The following ZMAT5 variants were observed in gnomAD, a reference collection of about 807,000 sequenced individuals.
ZMAT5 encodes the protein zinc finger matrin-type protein 5.
Under a neutral mutation model 28.0 loss-of-function variants are expected in ZMAT5, and 23 were observed. That is an observed-to-expected ratio of 0.82 (90% confidence interval 0.59 to 1.16). ZMAT5 has a LOEUF of 1.16. Ranked by LOEUF, ZMAT5 falls within the 50% of genes most tolerant of loss-of-function variation. The pLI, the probability that ZMAT5 is intolerant of heterozygous loss-of-function variation, is 0.00. For missense variants in ZMAT5, 173 were observed against 212.7 expected (o/e 0.81, Z 1.16); for synonymous variants, 76 against 84.1 (o/e 0.90, Z 0.52).
At chr22:29,749,452 A>G (rs528670091) in intron 1 of ZMAT5, among the ~76,000 whole-genome samples, 1 of 152,022 alleles carries the variant, frequency 6.6e-6, no homozygotes, top group African/African-American at 2.4e-5. Flanking sequence ...TGCCAGGCAC[A>G]TGGCCACCTC....
rs561342078 is a variant in ZMAT5, at chr22:29,740,168, G to A, written c.271+482C>T. ...CTAGAGGAGTGAATTTCCCAAAGGC[G>A]AGATGTCAGTTTCCATGGAAGCTGA... On this transcript the variant is annotated intron_variant, in intron 4 of 5. Transcript: ENST00000344318. 7.2e-5 allele frequency among the ~76,000 whole-genome samples: 11 copies of A among 152,320 alleles called. No individual in the cohort carries two copies. The East Asian group carries it at 1.5e-3, about 21-fold the overall frequency.
intron 5 of ZMAT5, among the ~76,000 whole-genome samples, chr22:29,733,596 C>T (rs73390974): frequency 0.046 from 6,992 of 152,294 alleles, 563 homozygotes; most frequent in African/African-American, 0.16. Flanking sequence ...CTCCACCAGC[C>T]GCAGAGAAGG....
intron 5 of ZMAT5, among the ~76,000 whole-genome samples, chr22:29,734,553 G>A (rs1445746292): frequency 6.6e-6 from 1 of 152,226 alleles, no homozygotes; most frequent in East Asian, 1.9e-4. Flanking sequence ...ACCTGTCCTG[G>A]GCACCCCCAA....
chr22:29,731,432 C>T (rs1407232667), intron 5 of ZMAT5, 78 bp from the exon 6 acceptor site: 2 of 1,498,212 alleles, frequency 1.3e-6, no homozygotes, highest in African/African-American at 1.5e-5. Context: ...CCACCTGCCT[C>T]ACCACCCTGG....
At chr22:29,749,097 A>G (rs1351165557) in intron 1 of ZMAT5, among the ~76,000 whole-genome samples, 2 of 147,296 alleles carry the variant, frequency 1.4e-5, no homozygotes, top group African/African-American at 5.1e-5. Context: ...TATTTTTTTG[A>G]GACAGAGTCT....
intron 2 of ZMAT5, among the ~76,000 whole-genome samples, chr22:29,744,472 T>C (rs2067991379): frequency 6.6e-6 from 1 of 151,536 alleles, no homozygotes; most frequent in South Asian, 2.1e-4. Flanking sequence ...GTCTATCTGT[T>C]AGCGCCGGGC....
chr22:29,740,747 G>T lies in ZMAT5; in HGVS notation c.191-17C>A. Reference sequence around the variant, plus strand: ...CGCACTGGCCTGCAGCAGGAAGACAGAGTTACTCGCTGCTCGGGAGGGGCT... The same window carrying T: ...CGCACTGGCCTGCAGCAGGAAGACATAGTTACTCGCTGCTCGGGAGGGGCT... On this transcript the variant is annotated splice_polypyrimidine_tract_variant and intron_variant, in intron 3 of 5. Transcript: ENST00000344318. 1 of 1,582,462 alleles carries T rather than the reference G, an allele frequency of 6.3e-7. No homozygotes were observed. The highest frequency in any genetic ancestry group is 1.2e-5 in the South Asian group (1 of 86,396).
chr22:29,733,663 C>G (rs1358978750), intron 5 of ZMAT5, among the ~76,000 whole-genome samples: 1 of 152,214 alleles, frequency 6.6e-6, no homozygotes. Context: ...CAAGCCTGGG[C>G]TCCCTGCAGG....
At chr22:29,738,925 C>T (rs992065012) in intron 4 of ZMAT5, among the ~76,000 whole-genome samples, 4 of 151,910 alleles carry the variant, frequency 2.6e-5, no homozygotes, top group Admixed American at 6.6e-5. Context: ...GCAGGAGAAT[C>T]GCTTGAACCT....
At chr22:29,739,249 G>C (rs1179632700) in intron 4 of ZMAT5, among the ~76,000 whole-genome samples, 1 of 152,204 alleles carries the variant, frequency 6.6e-6, no homozygotes, top group East Asian at 1.9e-4. Context: ...ATACAAGCTG[G>C]GTGTGAGCGT....
At chr22:29,754,119 G>A (rs1040058699) in intron 1 of ZMAT5, among the ~76,000 whole-genome samples, 1 of 152,106 alleles carries the variant, frequency 6.6e-6, no homozygotes, top group African/African-American at 2.4e-5. Context: ...GGAGGAAGGG[G>A]ACAGCTGGAG....
At chr22:29,733,176 C>G (rs1311616926) in intron 5 of ZMAT5, among the ~76,000 whole-genome samples, 1 of 152,248 alleles carries the variant, frequency 6.6e-6, no homozygotes, top group Non-Finnish European at 1.5e-5. Context: ...CTTCCCACTT[C>G]AGCTCCCTCT....
At chr22:29,766,589 T>C (rs1408594595) in intron 1 of ZMAT5, among the ~76,000 whole-genome samples, 1 of 152,192 alleles carries the variant, frequency 6.6e-6, no homozygotes, top group Non-Finnish European at 1.5e-5. Context: ...CCCAAGCAGG[T>C]TCCAAGTCTC....
chr22:29,748,278 C>A (rs748928163), intron 2 of ZMAT5, 140 bp downstream of exon 2: 1 of 1,230,308 alleles, frequency 8.1e-7, no homozygotes, highest in South Asian at 1.2e-5. Context: ...CCTCTGAGGG[C>A]CCAGTGGCTC....
In ZMAT5 at chr22:29,738,354, C is replaced by T. The variant is rs141136441; in HGVS notation, c.359G>A (p.Arg120Gln). ...LEDWLEKRAK[R>Q]LSSAPSSRAE... ...CCTGCTACTTGGGGCTGAGCTCAGC[C>T]GCTTGGCTCTCTTCTCCAGCCAGTC... is the stretch of plus-strand genomic sequence containing the variant. The change falls in exon 5 of 6, where the codon CGG (arginine) becomes CAG (glutamine). Residue 120 changes from arginine to glutamine, a missense_variant. Arg to Gln is a conservative substitution (Grantham distance 43). Transcript: ENST00000344318. The T allele has an allele frequency of 1.9e-5, 30 of 1,609,586 alleles. No individual in the cohort carries two copies. Among genetic ancestry groups the T allele is most frequent in the African/African-American group, 1.5e-4 (11 of 74,650 alleles).
At chr22:29,757,137 G>C (rs1284716161) in intron 1 of ZMAT5, among the ~76,000 whole-genome samples, 1 of 149,722 alleles carries the variant, frequency 6.7e-6, no homozygotes, top group East Asian at 2.0e-4. Flanking sequence ...GATCACTTGA[G>C]CCCAGGAGTT....
chr22:29,731,378 G>T (rs2232903), intron 5 of ZMAT5, 24 bp from the exon 6 acceptor site: 118,673 of 1,539,526 alleles, frequency 0.077, 5,160 homozygotes, highest in South Asian at 0.13. Context: ...GAGAAGCGGG[G>T]AGAATAAGAG....
chr22:29,737,166 CA>C (rs2067914030), intron 5 of ZMAT5, among the ~76,000 whole-genome samples: 1 of 151,632 alleles, frequency 6.6e-6, no homozygotes, highest in Admixed American at 6.6e-5. Flanking sequence ...CCCATCTCTA[CA>C]AAAATACAAA....
intron 1 of ZMAT5, among the ~76,000 whole-genome samples, chr22:29,754,990 A>T (rs746430543): frequency 4.0e-5 from 6 of 151,608 alleles, no homozygotes; most frequent in Non-Finnish European, 7.4e-5. Context: ...CACACTCTGA[A>T]CCCCACTTTA....
Sources: allele counts gnomAD v4.1 joint callset (sites outside exome capture counted in the v4.1 genomes callset), GRCh38; gene constraint gnomAD v4.1.1; transcripts MANE v1.5; gene names NCBI Gene and HGNC (gene_info 2026-07-23, HGNC 2026-07-21).